Variants in STARD9 observed in about 807,000 individuals in gnomAD.
STARD9 encodes stAR-related lipid transfer protein 9.
Under a neutral mutation model 399.8 loss-of-function variants are expected in STARD9, and 346 were observed. The observed-to-expected ratio is 0.87, with a 90% CI of 0.79 to 0.95. STARD9 has a LOEUF of 0.95. Ranked by LOEUF, STARD9 falls within the 40% of genes least tolerant of loss-of-function variation. The pLI is 0.00. For synonymous variants in STARD9, 2,203 were observed against 2,143.5 expected, an observed-to-expected ratio of 1.03 and a Z score of -0.77; for missense variants, 5,832 against 5,667.5, an observed-to-expected ratio of 1.03 and a Z score of -0.93.
intron 13 of STARD9, among the ~76,000 whole-genome samples, chr15:42,664,331 T>G (rs1448589125): frequency 6.6e-6 from 1 of 152,208 alleles, no homozygotes; most frequent in East Asian, 1.9e-4. Flanking sequence ...TGCTTTTATT[T>G]TGAATTTATG....
chr15:42,694,292 G>A lies in STARD9; in HGVS notation c.12714G>A (p.Ala4238=), dbSNP rs762336779. ...TGCTGCAGAGTGGGACAGGGGAGGC[G>A]CTTGCTGCTGATGAACCTGTGACAT... is the stretch of plus-strand genomic sequence containing the variant. ...LQVLQSGTGE[A]LAADEPVTST... The change falls in exon 23 of 33, where the codon GCG becomes GCA. Residue 4238 remains alanine (A), a synonymous_variant. Transcript: ENST00000290607. The A allele has an allele frequency of 1.6e-5, 24 of 1,517,236 alleles. No homozygotes were observed. The highest frequency in any genetic ancestry group is 6.2e-5 in the South Asian group (5 of 80,314). 94.0% of individuals were successfully genotyped at this position (1,517,236 alleles called of 1,614,324 possible).
chr15:42,611,897 A>G (rs1350613558), intron 3 of STARD9, among the ~76,000 whole-genome samples: 1 of 152,170 alleles, frequency 6.6e-6, no homozygotes, highest in Non-Finnish European at 1.5e-5. Context: ...TAAGAGACTA[A>G]TGGTACCTCT....
chr15:42,577,813 G>A (rs757532772), intron 1 of STARD9, among the ~76,000 whole-genome samples: 3 of 152,228 alleles, frequency 2.0e-5, no homozygotes, highest in Non-Finnish European at 2.9e-5. Context: ...TTATCTGAAT[G>A]TGGGGAATCT....
chr15:42,682,446 A>G lies in STARD9; in HGVS notation c.2408A>G (p.Gln803Arg). 4.6e-6 allele frequency: 7 copies of G among 1,537,216 alleles called. No homozygotes were observed. The highest frequency in any genetic ancestry group is 5.2e-6 in the Non-Finnish European group (6 of 1,146,892). The change falls in exon 22 of 33, where the codon CAG becomes CGG. Residue 803 changes from glutamine to arginine, a missense_variant. By Grantham distance (43) the Gln-to-Arg change is conservative (BLOSUM62 1). Coordinates refer to ENST00000290607, the MANE Select transcript of STARD9 (RefSeq NM_020759.3). Reference protein sequence around the residue: ...TLCWLQDDSTQEPPYQVLSPD... With the variant: ...TLCWLQDDSTREPPYQVLSPD... ...TGCTGGCTCCAGGATGACAGCACCC[A>G]GGAGCCCCCATACCAGGTCCTCAGC... is the stretch of plus-strand genomic sequence containing the variant.
chr15:42,656,327 TAAAAAAAAAAAAAAAAAAAAAAAA>T (rs869264641), intron 9 of STARD9, among the ~76,000 whole-genome samples: 17 of 35,342 alleles, frequency 4.8e-4, no homozygotes, highest in South Asian at 8.3e-4. Flanking sequence ...AGCCATCTCC[TAAAAAAAAAAAAAAAAAAAAAAAA>T]AAAAAAAAAA....
chr15:42,661,249 G>C (rs2140091830), intron 10 of STARD9, 24 bp downstream of exon 10: 2 of 1,478,542 alleles, frequency 1.4e-6, no homozygotes, highest in Non-Finnish European at 1.8e-6. Context: ...TAAAGCTAAG[G>C]GGAATTACTC....
chr15:42,705,796 G>A lies in STARD9; in HGVS notation c.13284+9916G>A, dbSNP rs1448994022. On this transcript the variant is annotated intron_variant, in intron 26 of 32. Transcript: ENST00000290607. ...GAGATGGAGTCTCACTCTCTCACTC[G>A]GGCTGGAGTGCAGGGGCGTGATCTC... 2.6e-5 allele frequency among the ~76,000 whole-genome samples: 4 copies of A among 151,120 alleles called. No individual in the cohort carries two copies. The East Asian group carries it at 7.8e-4, about 29-fold the overall frequency.
At chr15:42,581,173 T>C (rs963864531) in intron 1 of STARD9, 10 of 762,410 alleles carry the variant, frequency 1.3e-5, no homozygotes, top group Admixed American at 8.7e-5. Flanking sequence ...GCATGTTTCC[T>C]GTCATGATTG....
intron 3 of STARD9, among the ~76,000 whole-genome samples, chr15:42,624,333 T>C (rs1378229157): frequency 6.6e-6 from 1 of 152,096 alleles, no homozygotes; most frequent in Non-Finnish European, 1.5e-5. Context: ...ACTATTTATG[T>C]CTATAATATA....
chr15:42,705,234 A>G (rs2061050367), intron 26 of STARD9, among the ~76,000 whole-genome samples: 2 of 152,210 alleles, frequency 1.3e-5, no homozygotes, highest in African/African-American at 4.8e-5. Flanking sequence ...TACAGATAAT[A>G]TGAGACTGTC....
chr15:42,708,243 A>C (rs545271737), intron 26 of STARD9, among the ~76,000 whole-genome samples: 1 of 152,256 alleles, frequency 6.6e-6, no homozygotes, highest in African/African-American at 2.4e-5. Context: ...GTAGGGGATT[A>C]GTTATTTGAA....
intron 3 of STARD9, among the ~76,000 whole-genome samples, chr15:42,604,458 A>T (rs1462103029): frequency 6.6e-6 from 1 of 152,138 alleles, no homozygotes; most frequent in Non-Finnish European, 1.5e-5. Context: ...TTAAAAACTA[A>T]TAGTTCTTGA....
chr15:42,648,984 G>T (rs1206509057), intron 7 of STARD9, among the ~76,000 whole-genome samples: 2 of 152,016 alleles, frequency 1.3e-5, no homozygotes, highest in Non-Finnish European at 2.9e-5. Context: ...GGATCCTCCT[G>T]CCTCAGCCTC....
intron 3 of STARD9, among the ~76,000 whole-genome samples, chr15:42,614,559 G>A (rs928812713): frequency 1.3e-5 from 2 of 152,118 alleles, no homozygotes; most frequent in African/African-American, 2.4e-5. Flanking sequence ...ATACATTTTC[G>A]ATGGAAATGT....
In STARD9 at chr15:42,686,907, A is replaced by C; in HGVS notation, c.5329A>C (p.Arg1777=). 6.5e-7 allele frequency: 1 copy of C among 1,536,694 alleles called. No homozygotes were observed. ...AGTAAGGGTACCCTCCCCACCCCCC[A>C]GGGAAGCCTGGGGCTTTGGTCACAA... ...REVRVPSPPP[R]EAWGFGHNHQ... The change falls in exon 23 of 33, where the codon AGG becomes CGG. Residue 1777 remains arginine (R), a synonymous_variant. Coordinates refer to ENST00000290607, the MANE Select transcript of STARD9 (RefSeq NM_020759.3).
chr15:42,604,033 T>G (rs905415321), intron 3 of STARD9, among the ~76,000 whole-genome samples: 1 of 152,166 alleles, frequency 6.6e-6, no homozygotes, highest in African/African-American at 2.4e-5. Context: ...GGAGGGGGTT[T>G]GTTTGGGGAA....
chr15:42,710,890 GCTCTCTCT>G (rs34768575), intron 26 of STARD9, among the ~76,000 whole-genome samples: 1 of 133,712 alleles, frequency 7.5e-6, no homozygotes, highest in African/African-American at 3.2e-5. Flanking sequence ...TCACTTGTGC[GCTCTCTCT>G]CTCTCTCTCT....
chr15:42,670,083 GTT>G (rs1191242748), intron 16 of STARD9: 1 of 151,736 alleles, frequency 6.6e-6, no homozygotes, highest in Non-Finnish European at 1.5e-5. Context: ...TAAAAATAAT[GTT>G]TTTAAAAAAA....
chr15:42,718,448 CA>C lies in STARD9; in HGVS notation c.13778del (p.Asn4593ThrfsTer7), dbSNP rs1447238967. On this transcript the variant is annotated frameshift_variant, in exon 31 of 33. Coordinates refer to ENST00000290607, the MANE Select transcript of STARD9 (RefSeq NM_020759.3). LOFTEE classifies it high-confidence loss of function. ...CTGTCCCTCCAGTGTACTTGGTGTG[CA>C]ACACCACCCTGTGCGCACTGAAGCA... The part of the protein sequence containing the change: ...NSISLVYLVC[N>X]TTLCALKQPR... The C allele has an allele frequency of 5.2e-6, 8 of 1,536,852 alleles. No homozygotes were observed. The highest frequency in any genetic ancestry group is 7.0e-6 in the Non-Finnish European group (8 of 1,146,666).
Sources: gnomAD v4.1 joint callset for allele counts (sites outside exome capture counted in the v4.1 genomes callset) on GRCh38, gnomAD v4.1.1 for gene constraint, MANE v1.5 for transcripts, NCBI Gene and HGNC (gene_info 2026-07-23, HGNC 2026-07-21) for gene names.